HM13: variants seen among roughly 807,000 people sequenced by gnomAD.
HM13 encodes signal peptide peptidase.
A neutral mutation model predicts 50.0 loss-of-function variants in HM13; 18 were observed. The observed-to-expected ratio is 0.36, with a 90% confidence interval of 0.25 to 0.53. The LOEUF is 0.53. Ranked by LOEUF, HM13 falls within the 20% of genes least tolerant of loss-of-function variation. The pLI, the probability that HM13 is intolerant of heterozygous loss-of-function variation, is 0.90. For synonymous variants in HM13, 197 were observed against 232.6 expected (o/e 0.85, Z 1.39); for missense variants, 393 against 552.4 (o/e 0.71, Z 2.89).
At chr20:31,536,957 A>ACTTT (rs1983150196) in intron 2 of HM13, among the ~76,000 whole-genome samples, 1 of 152,242 alleles carries the variant, frequency 6.6e-6, no homozygotes, top group Non-Finnish European at 1.5e-5. Context: ...GAGAGCAGCG[A>ACTTT]CTTTGCCTGA....
chr20:31,538,437 C>G (rs1983246025), intron 3 of HM13, 176 bp downstream of exon 3: 2 of 1,441,322 alleles, frequency 1.4e-6, no homozygotes, highest in African/African-American at 2.9e-5. Context: ...ACAATGACCT[C>G]TCTGGGCCAC....
intron 1 of HM13, among the ~76,000 whole-genome samples, chr20:31,515,675 T>C (rs1981729704): frequency 6.6e-6 from 1 of 152,158 alleles, no homozygotes; most frequent in Non-Finnish European, 1.5e-5. Context: ...TCTGTCCTAT[T>C]GGATAACTAG....
intron 2 of HM13, chr20:31,535,519 G>A (rs1299249129): frequency 2.0e-5 from 3 of 152,240 alleles, no homozygotes; most frequent in Non-Finnish European, 2.9e-5. Context: ...CCAACAAGAA[G>A]CTCAGAGGTG....
At chr20:31,564,333 T>C (rs1324208964) in intron 10 of HM13, among the ~76,000 whole-genome samples, 1 of 151,978 alleles carries the variant, frequency 6.6e-6, no homozygotes, top group East Asian at 1.9e-4. Context: ...TCCCAGCACG[T>C]TGGGAGGCAA....
intron 9 of HM13, among the ~76,000 whole-genome samples, chr20:31,560,155 CA>C (rs1984527162): frequency 6.6e-6 from 1 of 152,186 alleles, no homozygotes; most frequent in Non-Finnish European, 1.5e-5. Context: ...CTGTTGTAGA[CA>C]GTGAGCACGA....
At chr20:31,564,639 G>C (rs1301743495) in intron 10 of HM13, among the ~76,000 whole-genome samples, 1 of 152,014 alleles carries the variant, frequency 6.6e-6, no homozygotes. Flanking sequence ...AGAGCACGTA[G>C]CAAGGGACCT....
intron 7 of HM13, among the ~76,000 whole-genome samples, chr20:31,551,934 A>C (rs1984054024): frequency 6.6e-6 from 1 of 152,174 alleles, no homozygotes; most frequent in African/African-American, 2.4e-5. Flanking sequence ...ATAAACCTAC[A>C]AGACCTGGCC....
intron 12 of HM13, among the ~76,000 whole-genome samples, chr20:31,568,439 G>A (rs779209645): frequency 2.6e-5 from 4 of 152,200 alleles, no homozygotes; most frequent in African/African-American, 4.8e-5. Context: ...CCAGTAATGC[G>A]GGGCCCACAT....
chr20:31,562,261 T>G (rs1329966403), intron 10 of HM13, among the ~76,000 whole-genome samples: 1 of 152,088 alleles, frequency 6.6e-6, no homozygotes, highest in East Asian at 1.9e-4. Context: ...GCACAAAGAC[T>G]GGGAGCCCTC....
intron 2 of HM13, among the ~76,000 whole-genome samples, chr20:31,532,352 G>A (rs929570270): frequency 1.3e-5 from 2 of 152,182 alleles, no homozygotes; most frequent in Non-Finnish European, 2.9e-5. Context: ...TTGAACCAGG[G>A]AGTCGGAGGT....
chr20:31,561,958 G>GT (rs558440062), intron 10 of HM13, among the ~76,000 whole-genome samples: 1 of 152,218 alleles, frequency 6.6e-6, no homozygotes, highest in African/African-American at 2.4e-5. Context: ...AGGGAAAAGC[G>GT]TAACAGCCAT....
intron 2 of HM13, among the ~76,000 whole-genome samples, chr20:31,534,435 A>G (rs1982996001): frequency 6.6e-6 from 1 of 152,164 alleles, no homozygotes; most frequent in African/African-American, 2.4e-5. Flanking sequence ...GGGTAGTACA[A>G]GCAAAGGGCA....
chr20:31,527,753 G>A (rs902871750), intron 2 of HM13, among the ~76,000 whole-genome samples, 171 bp downstream of exon 2: 1 of 152,002 alleles, frequency 6.6e-6, no homozygotes, highest in South Asian at 2.1e-4. Context: ...TTAGTGTTTG[G>A]GACCCTTTCT....
intron 3 of HM13, among the ~76,000 whole-genome samples, chr20:31,543,839 C>A (rs1434968820): frequency 6.6e-6 from 1 of 151,792 alleles, no homozygotes; most frequent in Non-Finnish European, 1.5e-5. Flanking sequence ...GAGGCTGAGG[C>A]AGGAGAATGG....
intron 2 of HM13, among the ~76,000 whole-genome samples, chr20:31,536,452 G>A (rs1371547050): frequency 1.3e-5 from 2 of 151,984 alleles, no homozygotes; most frequent in African/African-American, 2.4e-5. Flanking sequence ...CCAGGGCACC[G>A]TCCCCCTCTC....
chr20:31,560,171 G>T (rs747559884), intron 9 of HM13, among the ~76,000 whole-genome samples: 1 of 152,236 alleles, frequency 6.6e-6, no homozygotes, highest in Non-Finnish European at 1.5e-5. Flanking sequence ...GCACGAGGGG[G>T]AGAAGGTGGG....
chr20:31,533,137 G>A (rs149580847), intron 2 of HM13, among the ~76,000 whole-genome samples: 33 of 152,302 alleles, frequency 2.2e-4, no homozygotes, highest in Admixed American at 5.9e-4. Context: ...CCACCACAGC[G>A]GCTCTCCCTC....
intron 1 of HM13, among the ~76,000 whole-genome samples, chr20:31,524,005 A>G (rs1460063431): frequency 6.6e-6 from 1 of 152,180 alleles, no homozygotes; most frequent in African/African-American, 2.4e-5. Flanking sequence ...CCTCTCCCTG[A>G]TAGTCACAAC....
intron 3 of HM13, chr20:31,541,315 C>A (rs1983438163): frequency 6.6e-6 from 1 of 151,754 alleles, no homozygotes; most frequent in Non-Finnish European, 1.5e-5. Flanking sequence ...ACCCTGTCTC[C>A]ACAAAAAATA....
Sources: gnomAD v4.1 joint callset for allele counts (sites outside exome capture counted in the v4.1 genomes callset) on GRCh38, gnomAD v4.1.1 for gene constraint, MANE v1.5 for transcripts, NCBI Gene and HGNC (gene_info 2026-07-23, HGNC 2026-07-21) for gene names.